BPNT1: variants seen among roughly 807,000 people sequenced by gnomAD.
BPNT1 encodes 3'(2'), 5'-bisphosphate nucleotidase 1, also known as 3'(2'),5'-bisphosphate nucleotidase 1.
Under a neutral mutation model 36.9 loss-of-function variants are expected in BPNT1, and 28 were observed. That is an observed-to-expected ratio of 0.76 (90% CI 0.56 to 1.04). BPNT1 has a LOEUF of 1.04. Among genes scored for constraint, BPNT1 ranks in the 50% least tolerant of loss-of-function variants. BPNT1 has a pLI of 0.00. For synonymous variants in BPNT1, 119 were observed against 130.9 expected (o/e 0.91, Z 0.62); for missense variants, 313 against 372.9 (o/e 0.84, Z 1.32).
intron 1 of BPNT1, among the ~76,000 whole-genome samples, chr1:220,082,063 A>AATATAT (rs369837553): frequency 2.8e-3 from 307 of 110,368 alleles, no homozygotes; most frequent in Middle Eastern, 0.017. Context: ...TTCCAAGGAC[A>AATATAT]ATATATATAT....
At chr1:220,088,863 G>C (rs1656017983) in intron 1 of BPNT1, among the ~76,000 whole-genome samples, 1 of 151,578 alleles carries the variant, frequency 6.6e-6, no homozygotes, top group South Asian at 2.1e-4. Flanking sequence ...ACTTTGGGAG[G>C]CCGAGACGGG....
chr1:220,060,495 C>T (rs1206649309), intron 7 of BPNT1, among the ~76,000 whole-genome samples: 1 of 151,622 alleles, frequency 6.6e-6, no homozygotes, highest in African/African-American at 2.4e-5. Context: ...AAAGCACTCC[C>T]CTCAAAAAAA....
At chr1:220,082,498 A>G (rs562942135) in intron 1 of BPNT1, among the ~76,000 whole-genome samples, 3 of 152,128 alleles carry the variant, frequency 2.0e-5, no homozygotes, top group Non-Finnish European at 4.4e-5. Flanking sequence ...TATAGAGAAC[A>G]TTATAAACCT....
At chr1:220,086,006 T>C (rs909404136) in intron 1 of BPNT1, among the ~76,000 whole-genome samples, 1 of 152,202 alleles carries the variant, frequency 6.6e-6, no homozygotes, top group African/African-American at 2.4e-5. Context: ...CTGATGATAA[T>C]GTTCAAGGTC....
At chr1:220,059,940 CA>C in intron 7 of BPNT1, 149 bp from the exon 8 acceptor site, 1 of 570,036 alleles carries the variant, frequency 1.8e-6, no homozygotes, top group Admixed American at 3.7e-5. Context: ...AAGCTTTTAG[CA>C]GGTTTAAATT....
At chr1:220,059,101 T>C (rs1259477227) in intron 8 of BPNT1, 109 bp from the exon 9 acceptor site, 8 of 1,084,874 alleles carry the variant, frequency 7.4e-6, no homozygotes, top group Admixed American at 6.5e-5. Flanking sequence ...AGCCAATAAA[T>C]TCTGGATGAA....
chr1:220,070,677 T>C (rs1196867228), intron 4 of BPNT1, among the ~76,000 whole-genome samples: 1 of 151,308 alleles, frequency 6.6e-6, no homozygotes, highest in East Asian at 2.0e-4. Flanking sequence ...TTGGCCAGAA[T>C]GGTCTTGATC....
chr1:220,088,478 CAAAAAAA>C (rs58383315), intron 1 of BPNT1, among the ~76,000 whole-genome samples: 29 of 65,532 alleles, frequency 4.4e-4, no homozygotes, highest in African/African-American at 1.1e-3. Context: ...GACTCCGACT[CAAAAAAA>C]AAAAAAAAAA....
rs1268527362 is a variant in BPNT1 at position 220,074,157 on chromosome 1, AG to A, written c.121-87del. ...TTGTGCATGAGTGCCTACATAATTTAGATTACACTGTCAGTTTTTAGAGTCA... is the reference window on the plus strand; with the variant it reads ...TTGTGCATGAGTGCCTACATAATTTAATTACACTGTCAGTTTTTAGAGTCA... On this transcript the variant is annotated intron_variant, in intron 2 of 8. Transcript: ENST00000322067. 3 of 1,180,344 alleles carry A rather than the reference AG, an allele frequency of 2.5e-6. No individual in the cohort carries two copies. The African/African-American group carries it at 4.6e-5, about 18-fold the overall frequency. The allele number at this position is 1,180,344 out of a possible 1,614,324, so 73.1% of individuals were successfully genotyped here. A position where few individuals can be genotyped will look rare whatever the true frequency, so the allele number is the denominator to read the frequency against.
chr1:220,059,637 G>T, intron 8 of BPNT1, 49 bp downstream of exon 8: 2 of 1,307,044 alleles, frequency 1.5e-6, no homozygotes, highest in South Asian at 1.3e-5. Context: ...GTCTTAGCAT[G>T]ATATAATTGT....
rs753955861 is a variant in BPNT1, at chr1:220,062,975, A to T, written c.475-21T>A. 1.9e-6 allele frequency: 3 copies of T among 1,611,498 alleles called. No individual in the cohort carries two copies. The South Asian group carries it at 3.3e-5, about 18-fold the overall frequency. Reference sequence around the variant, plus strand: ...CCTGCCTGTGTAAACGAGTGAAACAACAAGACTTGTGGTTATTTGGAGAAG... The same window carrying T: ...CCTGCCTGTGTAAACGAGTGAAACATCAAGACTTGTGGTTATTTGGAGAAG... On this transcript the variant is annotated intron_variant, in intron 6 of 8. Transcript: ENST00000322067.
chr1:220,069,549 CTTAAA>C (rs1663858788), intron 4 of BPNT1, 117 bp from the exon 5 acceptor site: 4 of 677,728 alleles, frequency 5.9e-6, no homozygotes, highest in African/African-American at 1.9e-5. Flanking sequence ...TTATGGATGG[CTTAAA>C]TTAATGTCAT....
At chr1:220,064,053 T>G (rs1027061327) in intron 6 of BPNT1, among the ~76,000 whole-genome samples, 1 of 152,148 alleles carries the variant, frequency 6.6e-6, no homozygotes, top group Non-Finnish European at 1.5e-5. Flanking sequence ...CCATTCTAAG[T>G]GCTTTACATG....
chr1:220,063,065 A>G, intron 6 of BPNT1, 111 bp from the exon 7 acceptor site: 1 of 1,233,636 alleles, frequency 8.1e-7, no homozygotes, highest in Non-Finnish European at 1.1e-6. Context: ...TAAAAACATG[A>G]TAGCCGGGCG....
At position 220,079,809 on chromosome 1, in the gene BPNT1, G is replaced by T; in HGVS notation, c.38C>A (p.Ala13Asp). The change falls in exon 2 of 9, where the codon GCC becomes GAC. Residue 13 changes from alanine to aspartate, a missense_variant. Physicochemically the swap from Ala to Asp is moderately radical, Grantham distance 126 (BLOSUM62 -2). Coordinates refer to ENST00000322067, the MANE Select transcript of BPNT1 (RefSeq NM_006085.6). ...SSNTVLMRLV[A>D]SAYSIAQKAG... ...CTTTTGAGCAATAGAATATGCGGAG[G>T]CTACCAACCGCATCAACACAGTGTT... 1 of 1,614,022 alleles carries T rather than the reference G, an allele frequency of 6.2e-7. No individual in the cohort carries two copies. The highest frequency in any genetic ancestry group is 1.1e-5 in the South Asian group (1 of 91,072).
At chr1:220,076,057 A>T (rs1264054836) in intron 2 of BPNT1, among the ~76,000 whole-genome samples, 4 of 152,038 alleles carry the variant, frequency 2.6e-5, no homozygotes, top group African/African-American at 2.4e-5. Context: ...TTTTCATAAT[A>T]AAAAAAACTT....
At chr1:220,063,061 C>A in intron 6 of BPNT1, 107 bp from the exon 7 acceptor site, 1 of 1,294,942 alleles carries the variant, frequency 7.7e-7, no homozygotes. Flanking sequence ...AAAATAAAAA[C>A]ATGATAGCCG....
chr1:220,077,811 T>C (rs1172022690), intron 2 of BPNT1, among the ~76,000 whole-genome samples: 1 of 152,130 alleles, frequency 6.6e-6, no homozygotes, highest in Non-Finnish European at 1.5e-5. Context: ...ATAAATCATA[T>C]CCTATTAATG....
intron 6 of BPNT1, 153 bp downstream of exon 6, chr1:220,067,149 T>C (rs975735297): frequency 4.4e-6 from 1 of 227,750 alleles, no homozygotes; most frequent in African/African-American, 2.3e-5. Context: ...TAAAAATAAA[T>C]AAATAAATAA....
Sources: allele counts gnomAD v4.1 joint callset (sites outside exome capture counted in the v4.1 genomes callset), GRCh38; gene constraint gnomAD v4.1.1; transcripts MANE v1.5; gene names NCBI Gene and HGNC (gene_info 2026-07-23, HGNC 2026-07-21).